Variants in ATF6 observed in about 807,000 individuals in gnomAD.
ATF6 encodes the protein cyclic AMP-dependent transcription factor ATF-6 alpha.
A neutral mutation model predicts 83.6 loss-of-function variants in ATF6; 53 were observed. The observed-to-expected ratio is 0.63, with a 90% confidence interval of 0.51 to 0.80. ATF6 has a LOEUF of 0.80. Ranked by LOEUF, ATF6 falls within the 30% of genes least tolerant of loss-of-function variation. The probability of loss-of-function intolerance (pLI) is 0.00; values close to 1 mark genes in which losing one functional copy is unlikely to be tolerated. For missense variants in ATF6, 744 were observed against 797.9 expected (o/e 0.93, Z 0.81); for synonymous variants, 288 against 285.8 (o/e 1.01, Z -0.08).
At chr1:161,927,434 G>T (rs888698720) in intron 15 of ATF6, among the ~76,000 whole-genome samples, 5 of 152,182 alleles carry the variant, frequency 3.3e-5, no homozygotes, top group Non-Finnish European at 5.9e-5. Context: ...CTCTTAAAGT[G>T]CTGGGATTAC....
intron 14 of ATF6, among the ~76,000 whole-genome samples, chr1:161,910,157 G>GT (rs2101886952): frequency 6.6e-6 from 1 of 152,232 alleles, no homozygotes; most frequent in African/African-American, 2.4e-5. Flanking sequence ...ATTCAATGAA[G>GT]TTAACTACAT....
intron 14 of ATF6, among the ~76,000 whole-genome samples, chr1:161,887,034 T>TA (rs1687435188): frequency 6.6e-6 from 1 of 152,110 alleles, no homozygotes; most frequent in African/African-American, 2.4e-5. Context: ...AGGGAAGTGA[T>TA]ATATTTGTCA....
At chr1:161,853,129 A>G (rs955504220) in intron 11 of ATF6, 95 bp from the exon 12 acceptor site, 6 of 892,848 alleles carry the variant, frequency 6.7e-6, no homozygotes, top group Admixed American at 5.1e-5. Context: ...TTTGGAACCT[A>G]CAAATGATTA....
chr1:161,930,108 A>T (rs990615243), intron 15 of ATF6, among the ~76,000 whole-genome samples: 1 of 152,222 alleles, frequency 6.6e-6, no homozygotes, highest in Non-Finnish European at 1.5e-5. Context: ...TACTTTGTAC[A>T]TGATAGGCCA....
chr1:161,770,854 T>C (rs779053138), intron 1 of ATF6, among the ~76,000 whole-genome samples: 57 of 152,214 alleles, frequency 3.7e-4, no homozygotes, highest in Admixed American at 1.6e-3. Context: ...AGGAGCACAA[T>C]TGCTGGATTG....
intron 1 of ATF6, 115 bp downstream of exon 1, chr1:161,766,557 G>A: frequency 3.6e-6 from 3 of 843,284 alleles, no homozygotes; most frequent in Non-Finnish European, 5.6e-6. Context: ...CCTGGGGAGT[G>A]AGGCCCCTCG....
intron 15 of ATF6, among the ~76,000 whole-genome samples, chr1:161,948,589 T>C (rs1688804561): frequency 6.6e-6 from 1 of 152,234 alleles, no homozygotes; most frequent in Non-Finnish European, 1.5e-5. Context: ...TTAAAAATTT[T>C]TAAAAAGTAA....
chr1:161,795,650 G>T (rs114993118), intron 6 of ATF6, among the ~76,000 whole-genome samples: 1 of 152,216 alleles, frequency 6.6e-6, no homozygotes, highest in African/African-American at 2.4e-5. Context: ...GCCATGTTCC[G>T]TTAAGGGGGA....
intron 14 of ATF6, among the ~76,000 whole-genome samples, chr1:161,902,841 G>A (rs1687814232): frequency 6.6e-6 from 1 of 152,138 alleles, no homozygotes; most frequent in Admixed American, 6.6e-5. Context: ...AAGGAAAGGA[G>A]GTGTGTTTGG....
intron 15 of ATF6, among the ~76,000 whole-genome samples, chr1:161,930,720 C>T (rs1235892151): frequency 6.6e-6 from 1 of 152,004 alleles, no homozygotes; most frequent in African/African-American, 2.4e-5. Flanking sequence ...TCAAGAAAGA[C>T]CATATGTAAA....
At chr1:161,904,444 T>C (rs1156927256) in intron 14 of ATF6, among the ~76,000 whole-genome samples, 1 of 151,830 alleles carries the variant, frequency 6.6e-6, no homozygotes, top group Non-Finnish European at 1.5e-5. Flanking sequence ...AAAAATTAGC[T>C]GGGCATGGTG....
At chr1:161,851,471 G>A (rs752171552) in intron 10 of ATF6, among the ~76,000 whole-genome samples, 7 of 152,056 alleles carry the variant, frequency 4.6e-5, no homozygotes, top group Non-Finnish European at 8.8e-5. Flanking sequence ...TTATTGTATC[G>A]CTTATTCCAA....
At chr1:161,915,285 T>C (rs1046337929) in intron 15 of ATF6, among the ~76,000 whole-genome samples, 11 of 152,224 alleles carry the variant, frequency 7.2e-5, no homozygotes, top group African/African-American at 2.7e-4. Context: ...ATATGTATCA[T>C]TGGGCAAGTT....
intron 15 of ATF6, among the ~76,000 whole-genome samples, chr1:161,955,823 A>G (rs1282354947): frequency 1.3e-5 from 2 of 152,166 alleles, no homozygotes; most frequent in Non-Finnish European, 2.9e-5. Flanking sequence ...GTCTTCTAGC[A>G]ATGCTGATAG....
In ATF6 at chr1:161,958,704, A is replaced by C. The variant is rs1571264598; in HGVS notation, c.*50A>C. 4 of 1,471,384 alleles carry C rather than the reference A, an allele frequency of 2.7e-6. No individual in the cohort carries two copies. The highest frequency in any genetic ancestry group is 1.4e-5 in the African/African-American group (1 of 71,790). 91.1% of individuals were successfully genotyped at this position (1,471,384 alleles called of 1,614,324 possible). On this transcript the variant is annotated 3_prime_UTR_variant, in exon 16 of 16. Transcript: ENST00000367942. ...TGAGCGTGGGACCCTGCCAGACTGA[A>C]GAGCAGGTGAGCAAAATGCTGCTTT...
intron 10 of ATF6, among the ~76,000 whole-genome samples, chr1:161,847,799 A>G (rs1017360462): frequency 6.6e-6 from 1 of 152,132 alleles, no homozygotes; most frequent in African/African-American, 2.4e-5. Context: ...GAGAGTTGAG[A>G]TAGCGTCTTG....
intron 14 of ATF6, among the ~76,000 whole-genome samples, chr1:161,878,221 C>T (rs1175283578): frequency 6.6e-6 from 1 of 152,100 alleles, no homozygotes; most frequent in Non-Finnish European, 1.5e-5. Context: ...TCAGATGATC[C>T]TCCTGCCTCA....
intron 15 of ATF6, among the ~76,000 whole-genome samples, chr1:161,921,849 T>C (rs577309664): frequency 1.6e-4 from 25 of 152,338 alleles, no homozygotes; most frequent in African/African-American, 5.5e-4. Context: ...CCATCTGTTG[T>C]ATTGTCTTAG....
chr1:161,867,822 A>G (rs1183622149), intron 14 of ATF6, among the ~76,000 whole-genome samples: 1 of 152,268 alleles, frequency 6.6e-6, no homozygotes, highest in African/African-American at 2.4e-5. Flanking sequence ...AGCTATAGCC[A>G]TATGACTGCC....
Sources: allele counts gnomAD v4.1 joint callset (sites outside exome capture counted in the v4.1 genomes callset), GRCh38; gene constraint gnomAD v4.1.1; transcripts MANE v1.5; gene names NCBI Gene and HGNC (gene_info 2026-07-23, HGNC 2026-07-21).